TMED5: variants seen among roughly 807,000 people sequenced by gnomAD.
TMED5 encodes the protein transmembrane p24 trafficking protein 5, also known as transmembrane emp24 domain-containing protein 5.
A neutral mutation model predicts 23.0 loss-of-function variants in TMED5; 27 were observed. The ratio of observed to expected loss-of-function variants is 1.17; its 90% confidence interval spans 0.86 to 1.62. TMED5 has a LOEUF of 1.62. TMED5 is among the 40% of genes most tolerant of loss of function. The pLI is 0.00. For missense variants in TMED5, 248 were observed against 273.7 expected, an observed-to-expected ratio of 0.91 and a Z score of 0.66; for synonymous variants, 97 against 100.8, an observed-to-expected ratio of 0.96 and a Z score of 0.23.
At chr1:93,172,576 CCCAGGAGTTT>C (rs1295275379) in intron 1 of TMED5, among the ~76,000 whole-genome samples, 3 of 152,176 alleles carry the variant, frequency 2.0e-5, no homozygotes, top group African/African-American at 7.2e-5. Flanking sequence ...GGATCCTGAG[CCCAGGAGTTT>C]GAGACCAGCG....
intron 1 of TMED5, among the ~76,000 whole-genome samples, chr1:93,177,432 G>T (rs550495080): frequency 2.6e-5 from 4 of 151,792 alleles, no homozygotes; most frequent in African/African-American, 9.7e-5. Flanking sequence ...ACAAAAATTA[G>T]CTGGGTGTGG....
intron 1 of TMED5, among the ~76,000 whole-genome samples, chr1:93,168,933 G>A (rs1247831215): frequency 2.6e-5 from 4 of 152,180 alleles, no homozygotes; most frequent in South Asian, 2.1e-4. Flanking sequence ...TAACAACAAT[G>A]TATCAAAATA....
At chr1:93,174,144 CT>C (rs59483888) in intron 1 of TMED5, among the ~76,000 whole-genome samples, 2 of 150,876 alleles carry the variant, frequency 1.3e-5, no homozygotes, top group African/African-American at 4.9e-5. Flanking sequence ...TTTGTTTTTT[CT>C]TTTTTTTTAA....
chr1:93,154,334 C>G lies in TMED5; in HGVS notation c.*336G>C, dbSNP rs938993867. On this transcript the variant is annotated 3_prime_UTR_variant, in exon 4 of 4. Transcript: ENST00000370282. ...TCTGGGTAATAGAACCTGTTAAAAA[C>G]AGACTGGTGTTGCAATTAGGCCCAA... 1 of 203,912 alleles carries G rather than the reference C, an allele frequency of 4.9e-6. No individual in the cohort carries two copies. Among genetic ancestry groups the G allele is most frequent in the African/African-American group, 2.3e-5 (1 of 43,074 alleles). The allele number at this position is 203,912 out of a possible 1,614,324, so 12.6% of individuals were successfully genotyped here.
intron 1 of TMED5, among the ~76,000 whole-genome samples, chr1:93,164,500 G>A (rs1331245884): frequency 1.3e-5 from 2 of 152,106 alleles, no homozygotes; most frequent in Non-Finnish European, 2.9e-5. Flanking sequence ...TCACAAGAAA[G>A]CTTGTCCGTC....
chr1:93,157,658 C>T (rs1571271185), intron 2 of TMED5, among the ~76,000 whole-genome samples: 1 of 152,056 alleles, frequency 6.6e-6, no homozygotes, highest in African/African-American at 2.4e-5. Context: ...GCTATGGTCA[C>T]ACCATTGCAC....
At chr1:93,165,624 A>G (rs1025240278) in intron 1 of TMED5, among the ~76,000 whole-genome samples, 3 of 152,224 alleles carry the variant, frequency 2.0e-5, no homozygotes, top group Non-Finnish European at 2.9e-5. Flanking sequence ...ATGTTTTGAT[A>G]TAGGCATGCA....
intron 2 of TMED5, among the ~76,000 whole-genome samples, chr1:93,159,333 AT>A (rs1272304981): frequency 6.6e-6 from 1 of 152,162 alleles, no homozygotes; most frequent in African/African-American, 2.4e-5. Flanking sequence ...ACTCTATCTC[AT>A]AGTGTAATGG....
At chr1:93,161,795 C>T (rs1451465256) in intron 1 of TMED5, 3 of 152,190 alleles carry the variant, frequency 2.0e-5, no homozygotes, top group African/African-American at 7.2e-5. Flanking sequence ...ACCTATGTGG[C>T]ATATCCAACA....
At chr1:93,174,187 G>A (rs1385530163) in intron 1 of TMED5, among the ~76,000 whole-genome samples, 2 of 152,066 alleles carry the variant, frequency 1.3e-5, no homozygotes, top group African/African-American at 4.8e-5. Flanking sequence ...GGTCAGGCTG[G>A]TCTCCAACTC....
chr1:93,173,399 T>C (rs184278460), intron 1 of TMED5, among the ~76,000 whole-genome samples: 29 of 152,230 alleles, frequency 1.9e-4, no homozygotes, highest in Admixed American at 3.3e-4. Flanking sequence ...AAATTATCCA[T>C]AAAATAGGAG....
chr1:93,157,921 C>G (rs918000587), intron 2 of TMED5, among the ~76,000 whole-genome samples: 3 of 151,906 alleles, frequency 2.0e-5, no homozygotes, highest in Non-Finnish European at 4.4e-5. Context: ...TCAGGAGATC[C>G]AGACCATCCT....
chr1:93,163,525 A>G (rs189740177), intron 1 of TMED5, among the ~76,000 whole-genome samples: 25 of 151,778 alleles, frequency 1.6e-4, no homozygotes, highest in Admixed American at 5.2e-4. Flanking sequence ...TGTATTTTGT[A>G]GAGATGGGGT....
chr1:93,175,338 CACAT>C (rs1479187373), intron 1 of TMED5, among the ~76,000 whole-genome samples: 3 of 145,240 alleles, frequency 2.1e-5, no homozygotes, highest in Non-Finnish European at 3.0e-5. Context: ...CACACACACA[CACAT>C]ATATGGCTTT....
At chr1:93,164,730 C>T (rs953286595) in intron 1 of TMED5, among the ~76,000 whole-genome samples, 2 of 152,138 alleles carry the variant, frequency 1.3e-5, no homozygotes, top group African/African-American at 4.8e-5. Context: ...CTAGGGCACA[C>T]ACGATTCACA....
At chr1:93,165,914 C>CGCT (rs1648486858) in intron 1 of TMED5, among the ~76,000 whole-genome samples, 1 of 152,186 alleles carries the variant, frequency 6.6e-6, no homozygotes, top group Admixed American at 6.5e-5. Context: ...CCCAGCCTCC[C>CGCT]ACTACTCTTC....
intron 1 of TMED5, among the ~76,000 whole-genome samples, chr1:93,166,637 G>A (rs1414027247): frequency 1.3e-5 from 2 of 151,920 alleles, no homozygotes; most frequent in African/African-American, 4.8e-5. Context: ...ATAGTTGTTC[G>A]AGTTCCTTAT....
chr1:93,180,199 GC>G lies in TMED5; in HGVS notation c.43del (p.Ala15ProfsTer40). The G allele has an allele frequency of 1.9e-6, 3 of 1,613,204 alleles. No individual in the cohort carries two copies. Among genetic ancestry groups the G allele is most frequent in the Middle Eastern group, 1.7e-4 (1 of 5,930 alleles). On this transcript the variant is annotated frameshift_variant, in exon 1 of 4. Coordinates refer to ENST00000370282, the MANE Select transcript of TMED5 (RefSeq NM_016040.5). LOFTEE classifies it high-confidence loss of function. The part of the protein sequence containing the change: ...IWLPFPVLLL[A>X]ALPPVLLPGA... ...AGGCAGCAGCACCGGAGGCAGAGCG[GC>G]CAGAAGGAGCACGGGGAAGGGCAGC...
At chr1:93,175,413 T>C (rs1315713646) in intron 1 of TMED5, among the ~76,000 whole-genome samples, 1 of 147,850 alleles carries the variant, frequency 6.8e-6, no homozygotes, top group Non-Finnish European at 1.5e-5. Context: ...TGTATATGAA[T>C]ATATTATATA....
Sources: allele counts gnomAD v4.1 joint callset (sites outside exome capture counted in the v4.1 genomes callset), GRCh38; gene constraint gnomAD v4.1.1; transcripts MANE v1.5; gene names NCBI Gene and HGNC (gene_info 2026-07-23, HGNC 2026-07-21).